Variants in SORCS2 observed in about 807,000 individuals in gnomAD.
SORCS2 encodes VPS10 domain-containing receptor SorCS2.
SORCS2 carries 100 observed loss-of-function variants against 141.6 expected under a neutral mutation model. The observed-to-expected ratio is 0.71, with a 90% confidence interval of 0.60 to 0.83. The LOEUF (loss-of-function observed/expected upper bound fraction) is 0.83, where lower values mean the gene tolerates loss of function less well. SORCS2 is among the 40% of genes least tolerant of loss of function. SORCS2 has a pLI of 0.00. For missense variants in SORCS2, 1,646 were observed against 1,560.2 expected (o/e 1.05, Z -0.93); for synonymous variants, 789 against 676.9 (o/e 1.17, Z -2.57).
intron 3 of SORCS2, among the ~76,000 whole-genome samples, chr4:7,543,487 TCATCCATCCATCCATC>T (rs144933241): frequency 1.8e-4 from 20 of 114,030 alleles, no homozygotes; most frequent in Non-Finnish European, 3.4e-4. Context: ...ATTCACCCAC[TCATCCATCCATCCATC>T]CATCCATCCA....
Position 7,467,077 on chromosome 4 carries a change from C to T in SORCS2, c.549-64453C>T, listed in dbSNP as rs532859184. On this transcript the variant is annotated intron_variant, in intron 2 of 26. Coordinates refer to ENST00000507866, the MANE Select transcript of SORCS2 (RefSeq NM_020777.3). ...ACTGAAGCATTGTGTGGTTTTGTCT[C>T]AGCATCTAAAACTCCCACCACGGTC... Among the ~76,000 whole-genome samples the T allele has an allele frequency of 2.7e-3, 418 of 152,270 alleles. 1 individual carries two copies. Among genetic ancestry groups the T allele is most frequent in the African/African-American group, 9.3e-3 (387 of 41,552 alleles).
intron 10 of SORCS2, among the ~76,000 whole-genome samples, chr4:7,686,513 C>T (rs963077598): frequency 5.1e-5 from 7 of 138,122 alleles, no homozygotes; most frequent in African/African-American, 1.9e-4. Context: ...TGCAGGAACC[C>T]GGGCCCACCT....
intron 2 of SORCS2, among the ~76,000 whole-genome samples, chr4:7,516,995 C>A (rs1203581705): frequency 6.6e-6 from 1 of 152,150 alleles, no homozygotes; most frequent in East Asian, 1.9e-4. Context: ...GCTAGTCCTC[C>A]GGCTGGGTGT....
intron 1 of SORCS2, among the ~76,000 whole-genome samples, chr4:7,317,345 G>A (rs1718626291): frequency 6.6e-6 from 1 of 152,210 alleles, no homozygotes; most frequent in Non-Finnish European, 1.5e-5. Context: ...GGGCCTATGT[G>A]TAAGGCTGGA....
At chr4:7,360,909 C>A (rs1264365017) in intron 1 of SORCS2, among the ~76,000 whole-genome samples, 1 of 151,988 alleles carries the variant, frequency 6.6e-6, no homozygotes, top group Non-Finnish European at 1.5e-5. Context: ...CTTTTTACTC[C>A]TCTTTGGAGG....
chr4:7,660,798 G>C (rs938670227), intron 5 of SORCS2, among the ~76,000 whole-genome samples: 6 of 152,194 alleles, frequency 3.9e-5, no homozygotes, highest in African/African-American at 1.4e-4. Context: ...GTCGAGTGAT[G>C]GGGTAGGGGG....
chr4:7,313,438 C>T (rs565984442), intron 1 of SORCS2, among the ~76,000 whole-genome samples: 48 of 152,178 alleles, frequency 3.2e-4, no homozygotes, highest in African/African-American at 1.1e-3. Flanking sequence ...CTCTGGGTTG[C>T]GCAAGAGAAG....
At chr4:7,533,330 G>A (rs748511542) in intron 3 of SORCS2, among the ~76,000 whole-genome samples, 1 of 152,200 alleles carries the variant, frequency 6.6e-6, no homozygotes, top group East Asian at 1.9e-4. Context: ...TCTTCCTGGG[G>A]TTGCTGTGAT....
chr4:7,401,145 T>G (rs1279610362), intron 2 of SORCS2, among the ~76,000 whole-genome samples: 1 of 144,378 alleles, frequency 6.9e-6, no homozygotes, highest in African/African-American at 2.6e-5. Flanking sequence ...ATGGATGGAC[T>G]GATAGATGGA....
At chr4:7,684,083 C>A (rs1217164038) in intron 10 of SORCS2, among the ~76,000 whole-genome samples, 1 of 152,148 alleles carries the variant, frequency 6.6e-6, no homozygotes, top group Non-Finnish European at 1.5e-5. Flanking sequence ...ACGGCCTCTC[C>A]CGGGGCTTCT....
intron 2 of SORCS2, among the ~76,000 whole-genome samples, chr4:7,455,861 C>T (rs938385866): frequency 6.6e-6 from 1 of 152,132 alleles, no homozygotes; most frequent in Non-Finnish European, 1.5e-5. Flanking sequence ...TCTGTGTTAG[C>T]GTCACATGCT....
intron 2 of SORCS2, chr4:7,433,995 C>G: frequency 6.2e-7 from 1 of 1,613,532 alleles, no homozygotes; most frequent in South Asian, 1.1e-5. Context: ...TCATGCACAC[C>G]TCACAGGTCA....
intron 3 of SORCS2, among the ~76,000 whole-genome samples, chr4:7,546,744 G>T (rs1426283813): frequency 6.6e-6 from 1 of 152,174 alleles, no homozygotes; most frequent in Non-Finnish European, 1.5e-5. Flanking sequence ...CTGTGGTCAC[G>T]CAGCTTCCCT....
chr4:7,536,870 C>T (rs1712176411), intron 3 of SORCS2, among the ~76,000 whole-genome samples: 1 of 151,232 alleles, frequency 6.6e-6, no homozygotes, highest in Non-Finnish European at 1.5e-5. Flanking sequence ...TCGAGGTCAC[C>T]ATTTGTTCAC....
At chr4:7,327,597 G>A (rs6840423) in intron 1 of SORCS2, among the ~76,000 whole-genome samples, 32 of 152,214 alleles carry the variant, frequency 2.1e-4, no homozygotes, top group East Asian at 9.7e-4. Flanking sequence ...CTGCCCCAGC[G>A]TGTGTCCCTG....
At chr4:7,477,560 A>G (rs1482189780) in intron 2 of SORCS2, among the ~76,000 whole-genome samples, 1 of 152,072 alleles carries the variant, frequency 6.6e-6, no homozygotes, top group Non-Finnish European at 1.5e-5. Flanking sequence ...TGGATTGGCT[A>G]AGAGCTCTGC....
At chr4:7,194,261 A>G (rs1054637948) in intron 1 of SORCS2, among the ~76,000 whole-genome samples, 2 of 151,952 alleles carry the variant, frequency 1.3e-5, no homozygotes, top group Non-Finnish European at 2.9e-5. Flanking sequence ...GGGTTCCTAT[A>G]TGCACTGGCA....
intron 3 of SORCS2, among the ~76,000 whole-genome samples, chr4:7,549,724 GCA>G (rs1264587978): frequency 6.6e-6 from 1 of 152,200 alleles, no homozygotes; most frequent in African/African-American, 2.4e-5. Context: ...AGCCCGCTGC[GCA>G]CACACAGAGT....
chr4:7,325,493 CTG>C (rs769521455), intron 1 of SORCS2, among the ~76,000 whole-genome samples: 13 of 152,168 alleles, frequency 8.5e-5, no homozygotes, highest in Non-Finnish European at 7.3e-5. Flanking sequence ...TTGGGGAAAA[CTG>C]TTGGTCTCAC....
Sources: allele counts gnomAD v4.1 joint callset (sites outside exome capture counted in the v4.1 genomes callset), GRCh38; gene constraint gnomAD v4.1.1; transcripts MANE v1.5; gene names NCBI Gene and HGNC (gene_info 2026-07-23, HGNC 2026-07-21).